Variants in GLI2 observed in about 807,000 individuals in gnomAD.
GLI2 encodes the protein transcription activator GLI2.
In GLI2, 22 loss-of-function variants were observed where a neutral mutation model predicts 78.9. The observed-to-expected ratio is 0.28, with a 90% CI of 0.20 to 0.40. The LOEUF (loss-of-function observed/expected upper bound fraction) is 0.40. Ranked by LOEUF, GLI2 falls within the 10% of genes least tolerant of loss-of-function variation. GLI2 has a pLI of 1.00. For synonymous variants in GLI2, 974 were observed against 963.7 expected (o/e 1.01, Z -0.20); for missense variants, 2,097 against 2,213.2 (o/e 0.95, Z 1.05).
chr2:120,744,261 T>G (rs1381975894), intron 1 of GLI2, among the ~76,000 whole-genome samples: 3 of 152,238 alleles, frequency 2.0e-5, no homozygotes, highest in Non-Finnish European at 4.4e-5. Context: ...CTGTGGGTTG[T>G]GCTGTCATGA....
At chr2:120,752,467 C>T (rs1186393342) in intron 1 of GLI2, among the ~76,000 whole-genome samples, 1 of 152,066 alleles carries the variant, frequency 6.6e-6, no homozygotes, top group Non-Finnish European at 1.5e-5. Context: ...GATGGGCTTT[C>T]ACCATGTTAG....
At chr2:120,900,150 A>G (rs1192991903) in intron 2 of GLI2, among the ~76,000 whole-genome samples, 1 of 152,218 alleles carries the variant, frequency 6.6e-6, no homozygotes, top group East Asian at 1.9e-4. Context: ...TTACAAAATG[A>G]GGCCCCAGCT....
intron 2 of GLI2, among the ~76,000 whole-genome samples, chr2:120,802,193 T>C (rs1276519526): frequency 2.0e-5 from 3 of 152,178 alleles, no homozygotes; most frequent in Non-Finnish European, 4.4e-5. Context: ...GTCGGACCTG[T>C]TGGGGGCTGG....
At chr2:120,815,839 G>C (rs1424380086) in intron 2 of GLI2, among the ~76,000 whole-genome samples, 3 of 152,176 alleles carry the variant, frequency 2.0e-5, no homozygotes, top group Non-Finnish European at 4.4e-5. Context: ...AGTCATTGTA[G>C]GTCAGTGGCA....
intron 1 of GLI2, among the ~76,000 whole-genome samples, chr2:120,749,977 G>T (rs1682814186): frequency 6.6e-6 from 1 of 152,210 alleles, no homozygotes; most frequent in Non-Finnish European, 1.5e-5. Flanking sequence ...GTTGCTCTAA[G>T]TCCCAAAGAT....
At chr2:120,979,090 A>G (rs1300496857) in intron 10 of GLI2, among the ~76,000 whole-genome samples, 1 of 151,926 alleles carries the variant, frequency 6.6e-6, no homozygotes, top group Non-Finnish European at 1.5e-5. Flanking sequence ...CAATCCTCCC[A>G]CCTCAGCCTC....
At chr2:120,747,172 G>A (rs1489882031) in intron 1 of GLI2, among the ~76,000 whole-genome samples, 3 of 152,220 alleles carry the variant, frequency 2.0e-5, no homozygotes, top group Admixed American at 6.5e-5. Flanking sequence ...CTTGTTAGGC[G>A]TTAATGGAGT....
chr2:120,983,132 T>C (rs1342275847), intron 11 of GLI2, among the ~76,000 whole-genome samples: 3 of 152,152 alleles, frequency 2.0e-5, no homozygotes, highest in Admixed American at 1.3e-4. Flanking sequence ...TCTCTGTGCC[T>C]CAATTTCCTT....
chr2:120,918,438 C>CTT (rs563960856), intron 2 of GLI2, among the ~76,000 whole-genome samples: 37 of 127,042 alleles, frequency 2.9e-4, no homozygotes, highest in South Asian at 1.6e-3. Context: ...CATAAATATT[C>CTT]TTTTTTTTTT....
intron 2 of GLI2, among the ~76,000 whole-genome samples, chr2:120,908,308 G>T (rs1678646331): frequency 6.6e-6 from 1 of 152,186 alleles, no homozygotes; most frequent in South Asian, 2.1e-4. Flanking sequence ...CATGGACATG[G>T]GTTTCAGGGT....
At chr2:120,818,567 C>T (rs1311450759) in intron 2 of GLI2, among the ~76,000 whole-genome samples, 6 of 152,170 alleles carry the variant, frequency 3.9e-5, no homozygotes, top group Non-Finnish European at 7.3e-5. Context: ...AGCAAGAGTG[C>T]GTCTCTCCCT....
intron 3 of GLI2, among the ~76,000 whole-genome samples, chr2:120,932,290 G>A (rs1205709017): frequency 6.6e-6 from 1 of 152,138 alleles, no homozygotes; most frequent in African/African-American, 2.4e-5. Flanking sequence ...GCTGCCCTGA[G>A]CTGGTGACCA....
At chr2:120,812,273 T>A (rs1685283341) in intron 2 of GLI2, among the ~76,000 whole-genome samples, 1 of 152,074 alleles carries the variant, frequency 6.6e-6, no homozygotes. Flanking sequence ...CACACACACA[T>A]GTCGCGGCCC....
intron 3 of GLI2, among the ~76,000 whole-genome samples, chr2:120,943,874 G>A (rs1680579508): frequency 6.6e-6 from 1 of 152,200 alleles, no homozygotes; most frequent in African/African-American, 2.4e-5. Flanking sequence ...AGGCTGGGGT[G>A]TGGGGGCCCC....
At chr2:120,939,853 G>A (rs1183967968) in intron 3 of GLI2, among the ~76,000 whole-genome samples, 3 of 152,192 alleles carry the variant, frequency 2.0e-5, no homozygotes, top group Admixed American at 1.3e-4. Context: ...GACTTCGCCC[G>A]CTGGTTTTGC....
At chr2:120,884,949 C>T (rs1429456483) in intron 2 of GLI2, among the ~76,000 whole-genome samples, 1 of 152,154 alleles carries the variant, frequency 6.6e-6, no homozygotes, top group African/African-American at 2.4e-5. Flanking sequence ...ATCAGCCGGC[C>T]TCACTCCTGC....
At chr2:120,837,121 G>A (rs1238426975) in intron 2 of GLI2, among the ~76,000 whole-genome samples, 4 of 152,150 alleles carry the variant, frequency 2.6e-5, no homozygotes, top group South Asian at 2.1e-4. Context: ...TAGGCCGGGC[G>A]CGGTGGCTCA....
chr2:120,988,412 G>A lies in GLI2; in HGVS notation c.2447G>A (p.Arg816His). The change falls in exon 14 of 14, where the codon CGC (arginine) becomes CAC (histidine). Residue 816 changes from arginine (R) to histidine (H), a missense_variant. Transcript: ENST00000361492. ...GGCATCTCCCCCTACTTCTCCAGCC[G>A]CCGCTCCAGCGAGGCCTCGCCCCTG... ...SSGISPYFSSRRSSEASPLGA... is the reference protein window; with the variant it reads ...SSGISPYFSSHRSSEASPLGA... 6.4e-7 allele frequency: 1 copy of A among 1,573,332 alleles called. No individual in the cohort carries two copies.
chr2:120,965,953 G>A (rs183799729), intron 5 of GLI2, among the ~76,000 whole-genome samples: 11 of 152,308 alleles, frequency 7.2e-5, no homozygotes, highest in Non-Finnish European at 1.0e-4. Context: ...ACTATGGACC[G>A]TCTTCTGTGT....
Sources: allele counts gnomAD v4.1 joint callset (sites outside exome capture counted in the v4.1 genomes callset), GRCh38; gene constraint gnomAD v4.1.1; transcripts MANE v1.5; gene names NCBI Gene and HGNC (gene_info 2026-07-23, HGNC 2026-07-21).